ELMOD2: variants seen among roughly 807,000 people sequenced by gnomAD.
The protein encoded by ELMOD2 is ELMO domain containing 2.
In ELMOD2, 28 loss-of-function variants were observed where a neutral mutation model predicts 41.0. That is an observed-to-expected ratio of 0.68 (90% CI 0.51 to 0.94). The LOEUF is 0.94. Among genes scored for constraint, ELMOD2 ranks in the 40% least tolerant of loss-of-function variants. The pLI is 0.00. For missense variants in ELMOD2, 333 were observed against 343.1 expected (o/e 0.97, Z 0.23); for synonymous variants, 106 against 107.2 (o/e 0.99, Z 0.07).
chr4:140,549,440 A>G (rs942771791), intron 8 of ELMOD2, among the ~76,000 whole-genome samples: 7 of 152,042 alleles, frequency 4.6e-5, no homozygotes, highest in Non-Finnish European at 7.4e-5. Flanking sequence ...GGCTACCATA[A>G]TGAGGATATT....
intron 3 of ELMOD2, 163 bp from the exon 4 acceptor site, chr4:140,535,570 G>A (rs2110845611): frequency 5.1e-6 from 3 of 593,588 alleles, no homozygotes; most frequent in South Asian, 2.0e-5. Flanking sequence ...ATATATATAT[G>A]TGAATTTAGC....
intron 8 of ELMOD2, 137 bp downstream of exon 8, chr4:140,543,723 T>C (rs1735179337): frequency 1.4e-6 from 1 of 699,152 alleles, no homozygotes; most frequent in Non-Finnish European, 2.0e-6. Flanking sequence ...TTAGGGTCTT[T>C]GAAAAACAAG....
intron 6 of ELMOD2, among the ~76,000 whole-genome samples, chr4:140,541,607 C>T (rs373136566): frequency 1.3e-5 from 2 of 152,012 alleles, no homozygotes; most frequent in South Asian, 2.1e-4. Context: ...TTGGTGTTTA[C>T]AGATCCCTTA....
At chr4:140,534,022 G>A (rs1289124586) in intron 3 of ELMOD2, among the ~76,000 whole-genome samples, 2 of 152,016 alleles carry the variant, frequency 1.3e-5, no homozygotes, top group African/African-American at 4.8e-5. Flanking sequence ...AAGTGGTTTT[G>A]GCAATTTCAT....
At chr4:140,525,150 C>A in intron 1 of ELMOD2, 2 of 257,864 alleles carry the variant, frequency 7.8e-6, no homozygotes, top group East Asian at 8.5e-5. Context: ...AAGTGCAAAC[C>A]ATTCTGTTAC....
At chr4:140,542,413 T>G in intron 6 of ELMOD2, 161 bp from the exon 7 acceptor site, 2 of 535,576 alleles carry the variant, frequency 3.7e-6, no homozygotes, top group Non-Finnish European at 6.5e-6. Flanking sequence ...AAATTTTGAT[T>G]CAGAAGCATT....
Position 140,553,141 on chromosome 4 carries a change from T to C in ELMOD2, c.*2766T>C, listed in dbSNP as rs1423443341. ...AATTGCTCATGCACTCTTTCTCCCC[T>C]TTGAGAACATTCAGTGAAATACAAC... On this transcript the variant is annotated 3_prime_UTR_variant, in exon 9 of 9. Transcript: ENST00000323570. 2.0e-5 allele frequency: 3 copies of C among 152,162 alleles called. No individual in the cohort carries two copies. The East Asian group carries it at 5.8e-4, about 29-fold the overall frequency. The allele number at this position is 152,162 out of a possible 1,614,324, so 9.4% of individuals were successfully genotyped here. A position where few individuals can be genotyped will look rare whatever the true frequency, so the allele number is the denominator to read the frequency against.
intron 8 of ELMOD2, among the ~76,000 whole-genome samples, chr4:140,546,983 C>T (rs1412077081): frequency 6.6e-6 from 1 of 152,114 alleles, no homozygotes; most frequent in Admixed American, 6.6e-5. Flanking sequence ...TACCTATGTA[C>T]CTTTTAAGCA....
In ELMOD2 at chr4:140,543,513, T is replaced by G; in HGVS notation, c.663T>G (p.Ser221Arg). 6.2e-7 allele frequency: 1 copy of G among 1,606,462 alleles called. No homozygotes were observed. The highest frequency in any genetic ancestry group is 8.5e-7 in the Non-Finnish European group (1 of 1,177,624). Residue 221 changes from serine (S) to arginine (R), a missense_variant, in exon 8 of 9, where the codon AGT becomes AGG. Transcript: ENST00000323570. ...LTEMAYSLLK[S>R]EALKFHLYNL... ...AGATGGCTTATAGCTTACTGAAGAG[T>G]GAAGCTTTGAAGTTTCATCTCTATA...
chr4:140,534,517 CT>C (rs1304860760), intron 3 of ELMOD2, among the ~76,000 whole-genome samples: 1 of 152,108 alleles, frequency 6.6e-6, no homozygotes, highest in African/African-American at 2.4e-5. Context: ...ACATCTGTGC[CT>C]TTCACTGTAT....
intron 6 of ELMOD2, among the ~76,000 whole-genome samples, chr4:140,541,851 T>A (rs1735114749): frequency 6.6e-6 from 1 of 152,140 alleles, no homozygotes; most frequent in East Asian, 1.9e-4. Context: ...TAATTAGAAA[T>A]TTCTATGCTT....
At chr4:140,536,732 T>C (rs1734940308) in intron 4 of ELMOD2, among the ~76,000 whole-genome samples, 1 of 152,060 alleles carries the variant, frequency 6.6e-6, no homozygotes, top group Non-Finnish European at 1.5e-5. Context: ...TTTAGGAAGA[T>C]GGAGAGTAGA....
intron 7 of ELMOD2, among the ~76,000 whole-genome samples, chr4:140,543,082 T>C (rs985785864): frequency 1.3e-5 from 2 of 151,948 alleles, no homozygotes; most frequent in Non-Finnish European, 2.9e-5. Flanking sequence ...TGTTAGATCA[T>C]AAAAATAAGT....
chr4:140,536,568 T>A (rs963510950), intron 4 of ELMOD2, among the ~76,000 whole-genome samples: 5 of 152,170 alleles, frequency 3.3e-5, no homozygotes, highest in Admixed American at 6.5e-5. Flanking sequence ...AGGGAATTAT[T>A]TGTAGCTGGA....
rs990364350 is a variant in ELMOD2, at chr4:140,551,629, T to G, written c.*1254T>G. ...CAGCAAAGTTTAAGTTCTCCTTAAATCCTACAGAAACCAACCTTTTAAGGA... is the reference window on the plus strand; with the variant it reads ...CAGCAAAGTTTAAGTTCTCCTTAAAGCCTACAGAAACCAACCTTTTAAGGA... On this transcript the variant is annotated 3_prime_UTR_variant, in exon 9 of 9. Coordinates refer to ENST00000323570, the MANE Select transcript of ELMOD2 (RefSeq NM_153702.4). The G allele has an allele frequency of 6.6e-6, 1 of 152,120 alleles. No homozygotes were observed. The highest frequency in any genetic ancestry group is 6.5e-5 in the Admixed American group (1 of 15,268). 9.4% of individuals were successfully genotyped at this position (152,120 alleles called of 1,614,324 possible).
intron 7 of ELMOD2, among the ~76,000 whole-genome samples, chr4:140,542,975 G>C (rs1735156384): frequency 6.6e-6 from 1 of 151,930 alleles, no homozygotes; most frequent in African/African-American, 2.4e-5. Context: ...TTTGAAAATT[G>C]TAAAGTGAAA....
intron 2 of ELMOD2, chr4:140,526,786 T>C (rs961658141): frequency 6.6e-6 from 1 of 152,214 alleles, no homozygotes; most frequent in East Asian, 1.9e-4. Context: ...TGATAAGAAA[T>C]CTCTTCAGGC....
chr4:140,547,556 T>G (rs932828208), intron 8 of ELMOD2, among the ~76,000 whole-genome samples: 1 of 152,166 alleles, frequency 6.6e-6, no homozygotes, highest in African/African-American at 2.4e-5. Context: ...CACCTCAAGT[T>G]TGTATAATAA....
chr4:140,547,503 T>G (rs530417259), intron 8 of ELMOD2, among the ~76,000 whole-genome samples: 1 of 152,248 alleles, frequency 6.6e-6, no homozygotes, highest in Admixed American at 6.5e-5. Context: ...GGCCAAAATT[T>G]TAGCTGGACT....
Sources: gnomAD v4.1 joint callset for allele counts (sites outside exome capture counted in the v4.1 genomes callset) on GRCh38, gnomAD v4.1.1 for gene constraint, MANE v1.5 for transcripts, NCBI Gene and HGNC (gene_info 2026-07-23, HGNC 2026-07-21) for gene names.